The following FGF7 variants were observed in gnomAD, a reference collection of about 807,000 sequenced individuals.
The protein encoded by FGF7 is fibroblast growth factor 7, also known as FGF-7.
FGF7 carries 6 observed loss-of-function variants against 20.5 expected under a neutral mutation model. The observed-to-expected ratio is 0.29, with a 90% CI of 0.16 to 0.58. The LOEUF is 0.58. FGF7 is among the 20% of genes least tolerant of loss of function. FGF7 has a pLI of 0.90. For missense variants in FGF7, 144 were observed against 228.8 expected (o/e 0.63, Z 2.39); for synonymous variants, 64 against 74.7 (o/e 0.86, Z 0.74).
In FGF7 at chr15:49,446,696, T is replaced by C. The variant is rs189157538; in HGVS notation, c.286+22113T>C. Among the ~76,000 whole-genome samples the C allele has an allele frequency of 2.0e-5, 3 of 151,608 alleles. No individual in the cohort carries two copies. The East Asian group carries it at 5.8e-4, about 29-fold the overall frequency. On this transcript the variant is annotated intron_variant, in intron 2 of 3. Coordinates refer to ENST00000267843, the MANE Select transcript of FGF7 (RefSeq NM_002009.4). ...TGTCCTGTCTAGCTGGAGAATATGA[T>C]GCAAAGAAAGTGGTAACACAGACCT...
At chr15:49,446,602 T>C (rs531122733) in intron 2 of FGF7, among the ~76,000 whole-genome samples, 7 of 151,432 alleles carry the variant, frequency 4.6e-5, no homozygotes, top group African/African-American at 1.7e-4. Flanking sequence ...AGAGCTTTTT[T>C]AAAGAAGAGA....
intron 2 of FGF7, among the ~76,000 whole-genome samples, chr15:49,438,590 A>G (rs1343141884): frequency 6.6e-6 from 1 of 151,750 alleles, no homozygotes; most frequent in Admixed American, 6.6e-5. Flanking sequence ...GAGTAGATTG[A>G]GTTGATAAGA....
At chr15:49,469,462 C>T (rs930092798) in intron 2 of FGF7, among the ~76,000 whole-genome samples, 1 of 152,158 alleles carries the variant, frequency 6.6e-6, no homozygotes, top group Admixed American at 6.5e-5. Flanking sequence ...AAATCTCAGA[C>T]CAACAAATCA....
chr15:49,448,617 T>C (rs1276660738), intron 2 of FGF7, among the ~76,000 whole-genome samples: 3 of 151,630 alleles, frequency 2.0e-5, no homozygotes, highest in Non-Finnish European at 4.4e-5. Flanking sequence ...TTTTCAGTGA[T>C]TTCCAAATAT....
chr15:49,453,356 C>T (rs1032854340), intron 2 of FGF7, among the ~76,000 whole-genome samples: 6 of 152,072 alleles, frequency 3.9e-5, no homozygotes, highest in African/African-American at 1.2e-4. Context: ...TGCTCACCTC[C>T]GCCTCCCAAA....
At chr15:49,446,293 A>C (rs1320503501) in intron 2 of FGF7, among the ~76,000 whole-genome samples, 2 of 151,536 alleles carry the variant, frequency 1.3e-5, no homozygotes, top group Non-Finnish European at 3.0e-5. Flanking sequence ...TTAAGATTTA[A>C]ATTAGTGCAG....
intron 2 of FGF7, among the ~76,000 whole-genome samples, chr15:49,482,096 T>C (rs959438146): frequency 6.6e-6 from 1 of 152,160 alleles, no homozygotes; most frequent in Non-Finnish European, 1.5e-5. Context: ...AATTGACACT[T>C]TGACTTTTCT....
intron 2 of FGF7, among the ~76,000 whole-genome samples, chr15:49,443,409 C>CTATGA (rs1413984087): frequency 6.6e-6 from 1 of 151,386 alleles, no homozygotes; most frequent in Non-Finnish European, 1.5e-5. Context: ...TTGGACCCAA[C>CTATGA]TATGATAAGA....
intron 2 of FGF7, among the ~76,000 whole-genome samples, chr15:49,445,312 AT>A (rs1439176977): frequency 2.6e-5 from 4 of 151,562 alleles, no homozygotes. Flanking sequence ...TATTGTTGCC[AT>A]TTTTAAGTCC....
rs558584591 is a variant in FGF7, at chr15:49,438,103, GT to G, written c.286+13521del. ...TTGTATGGGAATTAGTGTTTCAGGA[GT>G]ACCAAGTTCAAGATAGGAAGTAGGA... is the stretch of plus-strand genomic sequence containing the variant. On this transcript the variant is annotated intron_variant, in intron 2 of 3. Transcript: ENST00000267843. Among the ~76,000 whole-genome samples, 30 of 151,718 alleles carry G rather than the reference GT, an allele frequency of 2.0e-4. No homozygotes were observed. The South Asian group carries it at 6.0e-3, about 30-fold the overall frequency.
chr15:49,424,635 A>C, intron 2 of FGF7, 52 bp downstream of exon 2: 1 of 1,359,980 alleles, frequency 7.4e-7, no homozygotes, highest in African/African-American at 1.5e-5. Context: ...TTAATGGATC[A>C]ATTTTCAGGT....
chr15:49,450,956 T>C (rs1277939039), intron 2 of FGF7, among the ~76,000 whole-genome samples: 7 of 152,244 alleles, frequency 4.6e-5, no homozygotes, highest in Non-Finnish European at 1.5e-5. Context: ...CTTTGAATGC[T>C]CCTTCCCCCA....
intron 2 of FGF7, among the ~76,000 whole-genome samples, chr15:49,435,847 T>C (rs1474646224): frequency 6.6e-6 from 1 of 151,630 alleles, no homozygotes; most frequent in Non-Finnish European, 1.5e-5. Context: ...ACTGTTGCCA[T>C]AAATCTTTTA....
chr15:49,475,133 C>G (rs1326510878), intron 2 of FGF7, among the ~76,000 whole-genome samples: 2 of 151,828 alleles, frequency 1.3e-5, no homozygotes, highest in Non-Finnish European at 2.9e-5. Flanking sequence ...ATTTTTTCAC[C>G]CTGCACTCCG....
chr15:49,447,620 T>A (rs2052346154), intron 2 of FGF7, among the ~76,000 whole-genome samples: 1 of 151,722 alleles, frequency 6.6e-6, no homozygotes, highest in African/African-American at 2.4e-5. Context: ...AATTTTCTGG[T>A]AAATTTATGC....
chr15:49,430,515 G>A (rs138955127), intron 2 of FGF7, among the ~76,000 whole-genome samples: 1 of 151,926 alleles, frequency 6.6e-6, no homozygotes, highest in African/African-American at 2.4e-5. Context: ...TCTGCTTTGT[G>A]TTGATATAAG....
At chr15:49,451,300 G>A (rs895389586) in intron 2 of FGF7, among the ~76,000 whole-genome samples, 19 of 151,872 alleles carry the variant, frequency 1.3e-4, no homozygotes, top group African/African-American at 4.4e-4. Context: ...TGTGAGAGAA[G>A]AAATTATAAA....
At chr15:49,438,903 AAG>A (rs915546190) in intron 2 of FGF7, among the ~76,000 whole-genome samples, 2 of 151,272 alleles carry the variant, frequency 1.3e-5, no homozygotes, top group Non-Finnish European at 3.0e-5. Context: ...GAGAGAGAAA[AAG>A]AGAGAGAGAG....
At chr15:49,447,412 T>G (rs1219666258) in intron 2 of FGF7, among the ~76,000 whole-genome samples, 1 of 151,548 alleles carries the variant, frequency 6.6e-6, no homozygotes, top group Non-Finnish European at 1.5e-5. Context: ...AGAGTCAGAT[T>G]TGGAACATAT....
Sources: gnomAD v4.1 joint callset for allele counts (sites outside exome capture counted in the v4.1 genomes callset) on GRCh38, gnomAD v4.1.1 for gene constraint, MANE v1.5 for transcripts, NCBI Gene and HGNC (gene_info 2026-07-23, HGNC 2026-07-21) for gene names.